Variants in KLHL1 observed in about 807,000 individuals in gnomAD.
KLHL1 encodes the protein kelch-like protein 1.
In KLHL1, 47 loss-of-function variants were observed where a neutral mutation model predicts 77.7. That is an observed-to-expected ratio of 0.60 (90% CI 0.48 to 0.77). The LOEUF is 0.77. Among genes scored for constraint, KLHL1 ranks in the 30% least tolerant of loss-of-function variants. KLHL1 has a pLI of 0.00. For synonymous variants in KLHL1, 360 were observed against 325.2 expected (o/e 1.11, Z -1.15); for missense variants, 925 against 910.8 (o/e 1.02, Z -0.20).
intron 9 of KLHL1, among the ~76,000 whole-genome samples, chr13:69,717,871 T>G (rs1872839707): frequency 1.3e-5 from 2 of 152,154 alleles, no homozygotes; most frequent in South Asian, 4.1e-4. Context: ...CTGATTTCCG[T>G]GGACTAGAAA....
At chr13:70,106,100 T>C (rs1011734911) in intron 1 of KLHL1, among the ~76,000 whole-genome samples, 2 of 151,488 alleles carry the variant, frequency 1.3e-5, no homozygotes, top group Non-Finnish European at 3.0e-5. Flanking sequence ...TATACACATA[T>C]AGGTTATACA....
chr13:69,785,968 C>A (rs369091860), intron 7 of KLHL1, among the ~76,000 whole-genome samples: 2 of 152,074 alleles, frequency 1.3e-5, no homozygotes, highest in Non-Finnish European at 2.9e-5. Context: ...AAGAAGTTGA[C>A]TCTCTGAATA....
At chr13:69,987,359 GGAGA>G (rs1884900910) in intron 1 of KLHL1, among the ~76,000 whole-genome samples, 1 of 151,936 alleles carries the variant, frequency 6.6e-6, no homozygotes, top group African/African-American at 2.4e-5. Context: ...CAATTACTTT[GGAGA>G]GAGAAACTCA....
At chr13:69,836,178 C>CA (rs1450873977) in intron 6 of KLHL1, among the ~76,000 whole-genome samples, 10 of 152,040 alleles carry the variant, frequency 6.6e-5, no homozygotes, top group African/African-American at 1.4e-4. Flanking sequence ...AGAGACCTTG[C>CA]AATGCATGTG....
intron 7 of KLHL1, among the ~76,000 whole-genome samples, chr13:69,742,417 A>G (rs1005384189): frequency 1.3e-5 from 2 of 152,138 alleles, no homozygotes; most frequent in African/African-American, 4.8e-5. Flanking sequence ...CCCATGAAGA[A>G]TTGTCTCCCA....
At chr13:69,865,714 G>A (rs1880343521) in intron 5 of KLHL1, among the ~76,000 whole-genome samples, 1 of 152,016 alleles carries the variant, frequency 6.6e-6, no homozygotes, top group African/African-American at 2.4e-5. Flanking sequence ...TGGTGACACA[G>A]GGAGTAAGAA....
At chr13:69,758,284 T>G (rs923286318) in intron 7 of KLHL1, among the ~76,000 whole-genome samples, 3 of 152,128 alleles carry the variant, frequency 2.0e-5, no homozygotes, top group Admixed American at 1.3e-4. Context: ...CAAAAGCTAA[T>G]TTTAATAATC....
chr13:69,949,690 GTCTATTCT>G, intron 3 of KLHL1, among the ~76,000 whole-genome samples: 1 of 151,738 alleles, frequency 6.6e-6, no homozygotes, highest in East Asian at 1.9e-4. Flanking sequence ...TGGGAAATTT[GTCTATTCT>G]CCATCATTTA....
chr13:69,740,324 T>G (rs772441233), intron 8 of KLHL1, 70 bp downstream of exon 8: 3 of 1,109,012 alleles, frequency 2.7e-6, no homozygotes, highest in Non-Finnish European at 3.7e-6. Context: ...TATTAAAACT[T>G]ATTTTTCAAA....
At chr13:69,975,996 A>G (rs1202377269) in intron 1 of KLHL1, among the ~76,000 whole-genome samples, 194 bp from the exon 2 acceptor site, 1 of 152,132 alleles carries the variant, frequency 6.6e-6, no homozygotes, top group African/African-American at 2.4e-5. Context: ...GATTTGCTCT[A>G]GGGAATAATA....
chr13:69,736,226 A>C (rs1205662049), intron 8 of KLHL1, among the ~76,000 whole-genome samples: 1 of 152,212 alleles, frequency 6.6e-6, no homozygotes, highest in Non-Finnish European at 1.5e-5. Flanking sequence ...AATTGGGCTA[A>C]GGACATGAAT....
At chr13:69,913,982 A>G (rs2138249506) in intron 4 of KLHL1, among the ~76,000 whole-genome samples, 1 of 152,302 alleles carries the variant, frequency 6.6e-6, no homozygotes, top group Non-Finnish European at 1.5e-5. Context: ...TACAGCTAGA[A>G]TATAAAGCAG....
chr13:69,836,643 T>C (rs1879002327), intron 6 of KLHL1, among the ~76,000 whole-genome samples: 1 of 152,092 alleles, frequency 6.6e-6, no homozygotes, highest in African/African-American at 2.4e-5. Context: ...AAGTAAATTA[T>C]GTCTTACAAA....
chr13:70,055,226 A>G (rs1886716552), intron 1 of KLHL1, among the ~76,000 whole-genome samples: 1 of 152,152 alleles, frequency 6.6e-6, no homozygotes, highest in South Asian at 2.1e-4. Flanking sequence ...CAGCTGACTT[A>G]TCAGTGAGAA....
chr13:69,889,687 T>C lies in KLHL1; in HGVS notation c.1015-7192A>G, dbSNP rs547709120. Among the ~76,000 whole-genome samples the C allele has an allele frequency of 9.2e-5, 14 of 152,130 alleles. 1 individual carries two copies. In the South Asian group the frequency reaches 2.1e-3, roughly 23 times the overall value. Reference sequence around the variant, plus strand: ...TTTAATTTGGAGAGTTGGACAGGATTTAGATGTCAACTCTGCTACTTACTA... The same window carrying C: ...TTTAATTTGGAGAGTTGGACAGGATCTAGATGTCAACTCTGCTACTTACTA... On this transcript the variant is annotated intron_variant, in intron 4 of 10. Coordinates refer to ENST00000377844, the MANE Select transcript of KLHL1 (RefSeq NM_020866.3).
At chr13:69,886,271 G>C (rs1271483951) in intron 4 of KLHL1, among the ~76,000 whole-genome samples, 2 of 151,898 alleles carry the variant, frequency 1.3e-5, no homozygotes, top group African/African-American at 4.8e-5. Flanking sequence ...CAAAAATAAA[G>C]ACTAAACTAC....
chr13:70,015,042 A>G (rs1289692664), intron 1 of KLHL1, among the ~76,000 whole-genome samples: 3 of 152,194 alleles, frequency 2.0e-5, no homozygotes, highest in African/African-American at 4.8e-5. Context: ...ACACTAATGA[A>G]AAGTGATTTA....
chr13:69,918,036 A>C (rs1882505346), intron 4 of KLHL1, among the ~76,000 whole-genome samples: 1 of 152,086 alleles, frequency 6.6e-6, no homozygotes, highest in South Asian at 2.1e-4. Context: ...TATTTTGATC[A>C]AAAAGGCCAA....
intron 7 of KLHL1, among the ~76,000 whole-genome samples, chr13:69,776,177 A>T (rs1043267731): frequency 6.6e-6 from 1 of 152,088 alleles, no homozygotes; most frequent in African/African-American, 2.4e-5. Flanking sequence ...TAAAAATAAA[A>T]AAATAATTGT....
Sources: gnomAD v4.1 joint callset for allele counts (sites outside exome capture counted in the v4.1 genomes callset) on GRCh38, gnomAD v4.1.1 for gene constraint, MANE v1.5 for transcripts, NCBI Gene and HGNC (gene_info 2026-07-23, HGNC 2026-07-21) for gene names.